Variants in ZW10 observed in about 807,000 individuals in gnomAD.
The protein encoded by ZW10 is centromere/kinetochore protein zw10 homolog.
In ZW10, 53 loss-of-function variants were observed where a neutral mutation model predicts 87.8. That is an observed-to-expected ratio of 0.60 (90% CI 0.48 to 0.76). The LOEUF is 0.76. Ranked by LOEUF, ZW10 falls within the 30% of genes least tolerant of loss-of-function variation. The pLI, the probability that ZW10 is intolerant of heterozygous loss-of-function variation, is 0.00. For synonymous variants in ZW10, 312 were observed against 329.2 expected (o/e 0.95, Z 0.57); for missense variants, 837 against 923.0 (o/e 0.91, Z 1.21).
Position 113,760,609 on chromosome 11 carries a change from T to A in ZW10, c.343-19A>T. The A allele has an allele frequency of 6.5e-7, 1 of 1,545,078 alleles. No individual in the cohort carries two copies. Among genetic ancestry groups the A allele is most frequent in the Non-Finnish European group, 8.9e-7 (1 of 1,120,612 alleles). On this transcript the variant is annotated intron_variant, in intron 3 of 15. Coordinates refer to ENST00000200135, the MANE Select transcript of ZW10 (RefSeq NM_004724.4). ...TGGAAAACTGAAAAGTTAAGTATAA[T>A]ATTTTATACATCCTATTATTTCAAG... is the stretch of plus-strand genomic sequence containing the variant.
intron 11 of ZW10, among the ~76,000 whole-genome samples, chr11:113,741,380 TAAA>T (rs1388557104): frequency 6.6e-6 from 1 of 152,152 alleles, no homozygotes; most frequent in Non-Finnish European, 1.5e-5. Flanking sequence ...TTAATTCAAA[TAAA>T]GAAAACTGAA....
chr11:113,773,491 C>T, intron 1 of ZW10, 71 bp downstream of exon 1: 1 of 1,354,788 alleles, frequency 7.4e-7, no homozygotes, highest in Non-Finnish European at 1.0e-6. Context: ...GCCCCTGACT[C>T]CTCTCTCCAG....
Position 113,750,087 on chromosome 11 carries a change from A to G in ZW10, c.926-1667T>C, listed in dbSNP as rs552753896. 3.3e-5 allele frequency among the ~76,000 whole-genome samples: 5 copies of G among 152,338 alleles called. No homozygotes were observed. In the East Asian group the frequency reaches 7.7e-4, roughly 23 times the overall value. On this transcript the variant is annotated intron_variant, in intron 7 of 15. Transcript: ENST00000200135. Reference sequence around the variant, plus strand: ...TTAATTATGATATTATTCTTTTTCTAGATTAAGAAAATATGTACAAATTTT... The same window carrying G: ...TTAATTATGATATTATTCTTTTTCTGGATTAAGAAAATATGTACAAATTTT...
chr11:113,741,553 T>C, intron 11 of ZW10, 141 bp downstream of exon 11: 1 of 518,208 alleles, frequency 1.9e-6, no homozygotes, highest in South Asian at 4.0e-5. Context: ...AATATGCGTT[T>C]TAAAATGATT....
intron 7 of ZW10, 119 bp downstream of exon 7, chr11:113,757,543 A>T: frequency 1.2e-6 from 1 of 814,208 alleles, no homozygotes; most frequent in Non-Finnish European, 1.7e-6. Flanking sequence ...GGCACAATTT[A>T]CTTACTTTTC....
chr11:113,738,767 C>T (rs1953579764), intron 12 of ZW10, among the ~76,000 whole-genome samples: 1 of 152,144 alleles, frequency 6.6e-6, no homozygotes, highest in Non-Finnish European at 1.5e-5. Context: ...TATTGATTTA[C>T]TCCACATTTC....
rs1430910712 is a variant in ZW10 at position 113,747,692 on chromosome 11, A to G, written c.1111T>C (p.Phe371Leu). ...YEEIIQSTEE[F>L]ENALKEMRFL... ...CTCATTTCCTTTAGGGCATTTTCAA[A>G]TTCTTCAGTGGACTGTATGATCTGA... Residue 371 changes from phenylalanine to leucine, a missense_variant, in exon 9 of 16, where the codon TTT becomes CTT. Transcript: ENST00000200135. 1 of 1,611,434 alleles carries G rather than the reference A, an allele frequency of 6.2e-7. No homozygotes were observed. The highest frequency in any genetic ancestry group is 1.3e-5 in the African/African-American group (1 of 74,874).
At chr11:113,735,900 C>T (rs1953546222) in intron 15 of ZW10, among the ~76,000 whole-genome samples, 1 of 152,084 alleles carries the variant, frequency 6.6e-6, no homozygotes, top group African/African-American at 2.4e-5. Flanking sequence ...GTCAATCAAA[C>T]AGTAGTCTGA....
intron 7 of ZW10, chr11:113,751,327 T>A (rs1591415619): frequency 5.5e-6 from 1 of 183,380 alleles, no homozygotes; most frequent in Non-Finnish European, 1.2e-5. Context: ...GGCCAAATAC[T>A]TTTCTTTAGC....
chr11:113,744,635 C>T (rs1357742791), intron 9 of ZW10, among the ~76,000 whole-genome samples: 1 of 152,102 alleles, frequency 6.6e-6, no homozygotes, highest in Admixed American at 6.5e-5. Context: ...GTCACCCAGG[C>T]TGGAGTGCAG....
intron 9 of ZW10, 150 bp downstream of exon 9, chr11:113,747,381 T>C (rs909901147): frequency 2.5e-5 from 16 of 652,586 alleles, no homozygotes; most frequent in Non-Finnish European, 3.5e-5. Context: ...TAGGACCACT[T>C]TAAAGGAGAC....
intron 1 of ZW10, chr11:113,771,801 G>A (rs1424871433): frequency 6.6e-6 from 1 of 151,794 alleles, no homozygotes; most frequent in Non-Finnish European, 1.5e-5. Flanking sequence ...CAGAGTAGCT[G>A]GGGATTACAG....
At chr11:113,738,842 TG>T (rs1272935130) in intron 12 of ZW10, among the ~76,000 whole-genome samples, 2 of 152,122 alleles carry the variant, frequency 1.3e-5, no homozygotes, top group African/African-American at 4.8e-5. Context: ...GGAGCTGTCT[TG>T]GGGTTTTGCA....
At chr11:113,739,070 T>C in intron 12 of ZW10, 143 bp downstream of exon 12, 5 of 858,116 alleles carry the variant, frequency 5.8e-6, no homozygotes, top group Non-Finnish European at 8.7e-6. Flanking sequence ...CTGGAAACAC[T>C]TGCAAATTAA....
intron 2 of ZW10, 85 bp from the exon 3 acceptor site, chr11:113,761,003 T>C: frequency 1.0e-6 from 1 of 953,192 alleles, no homozygotes; most frequent in Non-Finnish European, 1.6e-6. Flanking sequence ...TAAGCTTTAC[T>C]AGGTCAACAT....
chr11:113,764,736 A>T (rs914487456), intron 2 of ZW10, among the ~76,000 whole-genome samples: 4 of 152,300 alleles, frequency 2.6e-5, no homozygotes, highest in East Asian at 3.9e-4. Flanking sequence ...CCACACTTGT[A>T]TATGTGGTCT....
At chr11:113,761,868 A>G (rs1224618416) in intron 2 of ZW10, among the ~76,000 whole-genome samples, 1 of 152,026 alleles carries the variant, frequency 6.6e-6, no homozygotes, top group Non-Finnish European at 1.5e-5. Context: ...CCCTCTCACA[A>G]ACAGCTTCCT....
intron 5 of ZW10, 108 bp from the exon 6 acceptor site, chr11:113,758,814 A>G: frequency 9.7e-7 from 1 of 1,026,106 alleles, no homozygotes; most frequent in Non-Finnish European, 1.4e-6. Flanking sequence ...CTATTACAAT[A>G]TACTCCTAAT....
chr11:113,754,849 G>T (rs923796510), intron 7 of ZW10, among the ~76,000 whole-genome samples: 6 of 152,002 alleles, frequency 3.9e-5, no homozygotes, highest in Non-Finnish European at 5.9e-5. Flanking sequence ...GGCAGGTATC[G>T]CTATGTTACC....
Sources: gnomAD v4.1 joint callset for allele counts (sites outside exome capture counted in the v4.1 genomes callset) on GRCh38, gnomAD v4.1.1 for gene constraint, MANE v1.5 for transcripts, NCBI Gene and HGNC (gene_info 2026-07-23, HGNC 2026-07-21) for gene names.